The following SIPA1L2 variants were observed in gnomAD, a reference collection of about 807,000 sequenced individuals.
SIPA1L2 encodes the protein signal-induced proliferation-associated 1-like protein 2.
Under a neutral mutation model 163.9 loss-of-function variants are expected in SIPA1L2, and 56 were observed. The observed-to-expected ratio is 0.34, with a 90% CI of 0.28 to 0.43. SIPA1L2 has a LOEUF of 0.43. Among genes scored for constraint, SIPA1L2 ranks in the 20% least tolerant of loss-of-function variants. SIPA1L2 has a pLI of 1.00. For missense variants in SIPA1L2, 1,974 were observed against 2,193.5 expected, an observed-to-expected ratio of 0.90 and a Z score of 2.00; for synonymous variants, 877 against 865.7, an observed-to-expected ratio of 1.01 and a Z score of -0.23.
intron 12 of SIPA1L2, among the ~76,000 whole-genome samples, chr1:232,442,558 A>AAAAAAAAAAGG (rs1214235730): frequency 1.3e-5 from 2 of 151,868 alleles, no homozygotes; most frequent in African/African-American, 4.8e-5. Flanking sequence ...AAAAGAAAAA[A>AAAAAAAAAAGG]AAAAAAAAAG....
intron 3 of SIPA1L2, among the ~76,000 whole-genome samples, chr1:232,494,733 A>G (rs12123875): frequency 0.25 from 38,228 of 152,122 alleles, 4,940 homozygotes; most frequent in Admixed American, 0.35. Flanking sequence ...AATAGTGGGA[A>G]CAATTACCCA....
chr1:232,590,865 A>G (rs1240609761), intron 1 of SIPA1L2, among the ~76,000 whole-genome samples: 1 of 152,272 alleles, frequency 6.6e-6, no homozygotes, highest in Non-Finnish European at 1.5e-5. Context: ...TAAGAGAGAA[A>G]TGAAACCCAC....
chr1:232,509,251 C>T lies in SIPA1L2; in HGVS notation c.1483+4606G>A, dbSNP rs191454214. ...GTGATGATGTGTCACAGAAATACAC[C>T]TCAGCATCAAAAGCAGACATTTCAC... On this transcript the variant is annotated intron_variant, in intron 3 of 22. Transcript: ENST00000674635. 3.0e-3 allele frequency among the ~76,000 whole-genome samples: 451 copies of T among 152,280 alleles called. 6 individuals carry two copies. Among genetic ancestry groups the T allele is most frequent in the African/African-American group, 0.01 (431 of 41,558 alleles).
At chr1:232,573,842 T>C (rs1413720156) in intron 2 of SIPA1L2, among the ~76,000 whole-genome samples, 2 of 152,054 alleles carry the variant, frequency 1.3e-5, no homozygotes, top group African/African-American at 4.8e-5. Flanking sequence ...GTACCTCTAA[T>C]ATAAGGGATG....
At chr1:232,411,765 G>C (rs773307762) in intron 19 of SIPA1L2, among the ~76,000 whole-genome samples, 1 of 152,014 alleles carries the variant, frequency 6.6e-6, no homozygotes, top group Non-Finnish European at 1.5e-5. Context: ...GTGTAGTCCA[G>C]ATTTACAAAG....
Position 232,515,373 on chromosome 1 carries a change from G to T in SIPA1L2, c.-34C>A. 6.5e-7 allele frequency: 1 copy of T among 1,532,772 alleles called. No homozygotes were observed. Among genetic ancestry groups the T allele is most frequent in the Non-Finnish European group, 8.7e-7 (1 of 1,142,902 alleles). The allele number at this position is 1,532,772 out of a possible 1,614,324, so 94.9% of individuals were successfully genotyped here. ...AGGAAGAGCCTCCAAGTCTCACCAG[G>T]AAGACTGATGTAAATCTAATTACAT... On this transcript the variant is annotated 5_prime_UTR_variant, in exon 3 of 23. Transcript: ENST00000674635.
intron 3 of SIPA1L2, among the ~76,000 whole-genome samples, chr1:232,502,214 A>G (rs944275647): frequency 1.3e-5 from 2 of 152,224 alleles, no homozygotes; most frequent in African/African-American, 4.8e-5. Flanking sequence ...TCTAATCCAT[A>G]TAACACCATC....
At chr1:232,456,145 G>A (rs1001909178) in intron 10 of SIPA1L2, among the ~76,000 whole-genome samples, 6 of 152,028 alleles carry the variant, frequency 3.9e-5, no homozygotes, top group African/African-American at 1.5e-4. Context: ...AATAATAAAT[G>A]GGATAAAGCA....
chr1:232,526,023 A>G (rs1194180502), intron 2 of SIPA1L2, among the ~76,000 whole-genome samples: 3 of 152,204 alleles, frequency 2.0e-5, no homozygotes, highest in African/African-American at 7.2e-5. Flanking sequence ...AGGAAGTGGG[A>G]TAGACCAAGC....
chr1:232,603,608 C>T (rs1248038217), intron 1 of SIPA1L2, among the ~76,000 whole-genome samples: 3 of 152,054 alleles, frequency 2.0e-5, no homozygotes, highest in East Asian at 1.9e-4. Context: ...GGCCAGATGA[C>T]GAAAGCCATG....
At chr1:232,472,986 AAC>A (rs1387412652) in intron 7 of SIPA1L2, among the ~76,000 whole-genome samples, 1 of 152,206 alleles carries the variant, frequency 6.6e-6, no homozygotes, top group Non-Finnish European at 1.5e-5. Flanking sequence ...CAAAGTTATA[AAC>A]ACACAAAAAT....
chr1:232,602,621 C>T (rs926850700), intron 1 of SIPA1L2, among the ~76,000 whole-genome samples: 15 of 151,108 alleles, frequency 9.9e-5, no homozygotes, highest in Non-Finnish European at 2.2e-4. Flanking sequence ...GAGCCACTGC[C>T]TCTGGCCACC....
At chr1:232,469,204 C>T (rs1166329850) in intron 8 of SIPA1L2, among the ~76,000 whole-genome samples, 1 of 152,234 alleles carries the variant, frequency 6.6e-6, no homozygotes, top group Non-Finnish European at 1.5e-5. Context: ...TGCCACTCAA[C>T]ACCCGAAAAA....
chr1:232,464,798 GA>G (rs918528288), intron 9 of SIPA1L2, 41 bp downstream of exon 9: 3 of 1,483,382 alleles, frequency 2.0e-6, no homozygotes, highest in Non-Finnish European at 2.7e-6. Context: ...ATCTGGAATT[GA>G]AAACATAAGG....
chr1:232,451,808 T>G (rs575010082), intron 10 of SIPA1L2, among the ~76,000 whole-genome samples: 53 of 152,190 alleles, frequency 3.5e-4, no homozygotes, highest in African/African-American at 1.3e-3. Flanking sequence ...CCATAACAAA[T>G]GTACACATCA....
intron 10 of SIPA1L2, among the ~76,000 whole-genome samples, chr1:232,458,973 A>G (rs1163901465): frequency 6.6e-6 from 1 of 152,254 alleles, no homozygotes; most frequent in African/African-American, 2.4e-5. Context: ...CACGGGACTG[A>G]TACTCTACAG....
chr1:232,628,453 T>C (rs1204127245), intron 1 of SIPA1L2, among the ~76,000 whole-genome samples: 1 of 152,224 alleles, frequency 6.6e-6, no homozygotes, highest in Non-Finnish European at 1.5e-5. Context: ...ATCTTTTAAC[T>C]GGAAATATTG....
chr1:232,420,311 G>T (rs958351050), intron 18 of SIPA1L2, among the ~76,000 whole-genome samples: 1 of 151,912 alleles, frequency 6.6e-6, no homozygotes, highest in Non-Finnish European at 1.5e-5. Flanking sequence ...CAACAAGAGC[G>T]AAACTCCGTC....
At chr1:232,607,302 G>A (rs73099519) in intron 1 of SIPA1L2, among the ~76,000 whole-genome samples, 2,580 of 152,022 alleles carry the variant, frequency 0.017, 76 homozygotes, top group African/African-American at 0.058. Context: ...TTAATATTAT[G>A]TGAACATTTT....
Sources: allele counts gnomAD v4.1 joint callset (sites outside exome capture counted in the v4.1 genomes callset), GRCh38; gene constraint gnomAD v4.1.1; transcripts MANE v1.5; gene names NCBI Gene and HGNC (gene_info 2026-07-23, HGNC 2026-07-21).